Variants in DSE observed in about 807,000 individuals in gnomAD.
The protein encoded by DSE is dermatan-sulfate epimerase.
Under a neutral mutation model 84.4 loss-of-function variants are expected in DSE, and 36 were observed. That is an observed-to-expected ratio of 0.43 (90% CI 0.33 to 0.56). The LOEUF (loss-of-function observed/expected upper bound fraction) is 0.56. Ranked by LOEUF, DSE falls within the 20% of genes least tolerant of loss-of-function variation. The pLI is 0.06. For missense variants in DSE, 862 were observed against 1,169.6 expected (o/e 0.74, Z 3.84); for synonymous variants, 410 against 430.1 (o/e 0.95, Z 0.58).
intron 2 of DSE, among the ~76,000 whole-genome samples, chr6:116,312,803 ATATG>A (rs1388756338): frequency 6.6e-6 from 1 of 152,004 alleles, no homozygotes; most frequent in African/African-American, 2.4e-5. Context: ...CTATATATAA[ATATG>A]TAGACCCTGG....
chr6:116,396,963 A>G (rs1376512174), intron 1 of DSE, among the ~76,000 whole-genome samples: 1 of 152,142 alleles, frequency 6.6e-6, no homozygotes, highest in Non-Finnish European at 1.5e-5. Flanking sequence ...TCTTACCCAT[A>G]TGCTCATAGC....
At chr6:116,333,201 G>A (rs1252824138) in intron 2 of DSE, among the ~76,000 whole-genome samples, 1 of 152,156 alleles carries the variant, frequency 6.6e-6, no homozygotes, top group East Asian at 1.9e-4. Flanking sequence ...TCTTGTCTTA[G>A]TCCATTTTCT....
chr6:116,371,014 GT>G lies in DSE; in HGVS notation c.-159del. 1 of 985,752 alleles carries G rather than the reference GT, an allele frequency of 1.0e-6. No individual in the cohort carries two copies. The highest frequency in any genetic ancestry group is 1.2e-6 in the Non-Finnish European group (1 of 830,254). The allele number at this position is 985,752 out of a possible 1,614,324, so 61.1% of individuals were successfully genotyped here. On this transcript the variant is annotated 5_prime_UTR_variant, in exon 1 of 6. It removes the in-frame stop codon of an upstream open reading frame in the 5' UTR. Transcript: ENST00000644252. The stretch of plus-strand genomic sequence containing the variant: ...GCGCGGCGGGGGCGCGGAGGGCTCG[GT>G]TCGGAGGGGGCCGGGAGCCCGGGCG...
intron 2 of DSE, among the ~76,000 whole-genome samples, chr6:116,292,657 G>A (rs1365163242): frequency 1.3e-5 from 2 of 151,924 alleles, no homozygotes; most frequent in African/African-American, 4.8e-5. Context: ...CTGAAGTGTT[G>A]AGGAAGCAAA....
intron 2 of DSE, among the ~76,000 whole-genome samples, chr6:116,411,226 T>G (rs1782332500): frequency 6.6e-6 from 1 of 152,174 alleles, no homozygotes; most frequent in African/African-American, 2.4e-5. Flanking sequence ...GAAATATGCT[T>G]TCAGGTACAA....
chr6:116,265,241 T>C (rs550344431), intron 2 of DSE, among the ~76,000 whole-genome samples: 1 of 151,598 alleles, frequency 6.6e-6, no homozygotes, highest in East Asian at 1.9e-4. Context: ...GACTCAGGGG[T>C]GGGTCACTGA....
chr6:116,410,551 G>A (rs1562292170), intron 2 of DSE, among the ~76,000 whole-genome samples: 1 of 151,976 alleles, frequency 6.6e-6, no homozygotes. Context: ...GGCTAACACG[G>A]TGAAACCCTG....
At chr6:116,279,963 G>A (rs1036656587) in intron 2 of DSE, 8 of 1,315,054 alleles carry the variant, frequency 6.1e-6, no homozygotes, top group Middle Eastern at 2.3e-4. Flanking sequence ...CAGGACTGGA[G>A]ATCTCACGGT....
At chr6:116,333,437 C>A (rs1777069437) in intron 2 of DSE, among the ~76,000 whole-genome samples, 1 of 152,162 alleles carries the variant, frequency 6.6e-6, no homozygotes, top group Middle Eastern at 3.2e-3. Flanking sequence ...TAACTCACTT[C>A]TGTGATAATG....
intron 1 of DSE, among the ~76,000 whole-genome samples, chr6:116,382,367 A>G (rs1197939929): frequency 6.6e-6 from 1 of 152,146 alleles, no homozygotes; most frequent in Non-Finnish European, 1.5e-5. Context: ...CAGTTAATGA[A>G]CTTGTTGTCT....
intron 2 of DSE, among the ~76,000 whole-genome samples, chr6:116,362,973 T>C (rs1778983511): frequency 6.6e-6 from 1 of 152,216 alleles, no homozygotes; most frequent in Admixed American, 6.5e-5. Context: ...TGCTGATTTT[T>C]CCAAATGTAC....
At chr6:116,300,621 C>A (rs1431073043) in intron 2 of DSE, among the ~76,000 whole-genome samples, 1 of 152,224 alleles carries the variant, frequency 6.6e-6, no homozygotes, top group Admixed American at 6.5e-5. Context: ...GCAATCAAGT[C>A]TAATGGGGAC....
In DSE at chr6:116,296,595, G is replaced by A. The variant is rs192638821; in HGVS notation, c.-54+37628G>A. On this transcript the variant is annotated intron_variant, in intron 2 of 3. Transcript: ENST00000430252. ...AGACCTGAGTGGTGAGAAGGTGTCA[G>A]ATGTAAAGATCCACTAGGAATTACA... Among the ~76,000 whole-genome samples the A allele has an allele frequency of 2.7e-3, 416 of 152,328 alleles. 1 individual carries two copies. The highest frequency in any genetic ancestry group is 4.9e-3 in the Non-Finnish European group (333 of 68,018).
intron 2 of DSE, among the ~76,000 whole-genome samples, chr6:116,303,806 T>A (rs1176763502): frequency 6.6e-6 from 1 of 152,042 alleles, no homozygotes; most frequent in African/African-American, 2.4e-5. Context: ...AATGATTGCC[T>A]AGGGACAGAA....
intron 2 of DSE, among the ~76,000 whole-genome samples, chr6:116,426,282 G>C (rs1343283996): frequency 2.0e-5 from 3 of 152,162 alleles, no homozygotes; most frequent in African/African-American, 7.2e-5. Context: ...CTATGCTTCA[G>C]ATCTCTTTGA....
At chr6:116,428,910 A>G (rs1783623724) in intron 3 of DSE, among the ~76,000 whole-genome samples, 1 of 152,186 alleles carries the variant, frequency 6.6e-6, no homozygotes, top group Non-Finnish European at 1.5e-5. Context: ...GTATAGCTTC[A>G]ATTAACAGTA....
chr6:116,427,897 T>G (rs936569848), intron 3 of DSE, among the ~76,000 whole-genome samples: 20 of 152,200 alleles, frequency 1.3e-4, no homozygotes, highest in South Asian at 2.1e-4. Context: ...TAAAGAAAAT[T>G]AAAACATCAG....
chr6:116,278,218 G>A, intron 2 of DSE: 1 of 386,890 alleles, frequency 2.6e-6, no homozygotes, highest in Non-Finnish European at 4.9e-6. Context: ...GGTCCAAGCA[G>A]TGCAGATAAA....
At chr6:116,278,946 G>A (rs776938962) in intron 2 of DSE, 1 of 1,614,008 alleles carries the variant, frequency 6.2e-7, no homozygotes, top group East Asian at 2.2e-5. Flanking sequence ...CTGCATCTTG[G>A]CCCCTAATCA....
Sources: allele counts gnomAD v4.1 joint callset (sites outside exome capture counted in the v4.1 genomes callset), GRCh38; gene constraint gnomAD v4.1.1; transcripts MANE v1.5; gene names NCBI Gene and HGNC (gene_info 2026-07-23, HGNC 2026-07-21).